The following GALNT10 variants were observed in gnomAD, a reference collection of about 807,000 sequenced individuals.
The protein encoded by GALNT10 is polypeptide N-acetylgalactosaminyltransferase 10, also known as GalNAc transferase 10.
In GALNT10, 41 loss-of-function variants were observed where a neutral mutation model predicts 75.0. The observed-to-expected ratio is 0.55, with a 90% confidence interval of 0.43 to 0.71. The LOEUF (loss-of-function observed/expected upper bound fraction) is 0.71, where lower values mean the gene tolerates loss of function less well. GALNT10 is among the 30% of genes least tolerant of loss of function. The pLI is 0.00. For synonymous variants in GALNT10, 302 were observed against 313.0 expected (o/e 0.96, Z 0.37); for missense variants, 727 against 818.5 (o/e 0.89, Z 1.36).
intron 1 of GALNT10, among the ~76,000 whole-genome samples, chr5:154,234,689 A>G (rs1467889546): frequency 6.6e-6 from 1 of 152,236 alleles, no homozygotes; most frequent in Non-Finnish European, 1.5e-5. Context: ...TGACCAGTGC[A>G]TATGCACAGG....
At chr5:154,301,609 G>A (rs1754360726) in intron 3 of GALNT10, among the ~76,000 whole-genome samples, 1 of 150,342 alleles carries the variant, frequency 6.7e-6, no homozygotes, top group Non-Finnish European at 1.5e-5. Flanking sequence ...GCCTAGGCTG[G>A]TCTCAAACTC....
Position 154,417,026 on chromosome 5 carries a change from C to T in GALNT10, c.*54C>T. 6.5e-7 allele frequency: 1 copy of T among 1,547,590 alleles called. No individual in the cohort carries two copies. The highest frequency in any genetic ancestry group is 8.9e-7 in the Non-Finnish European group (1 of 1,123,460). On this transcript the variant is annotated 3_prime_UTR_variant, in exon 12 of 12. Transcript: ENST00000297107. Reference sequence around the variant, plus strand: ...AGGGTCTGGCACTCACTGCAGACTTCCTCTTTCAAGGGAGGCAGGGCCCCT... The same window carrying T: ...AGGGTCTGGCACTCACTGCAGACTTTCTCTTTCAAGGGAGGCAGGGCCCCT...
intron 1 of GALNT10, among the ~76,000 whole-genome samples, chr5:154,207,628 T>A (rs1222125917): frequency 6.6e-6 from 1 of 152,176 alleles, no homozygotes; most frequent in African/African-American, 2.4e-5. Flanking sequence ...GAGGGAATCC[T>A]GACCTAAGTC....
chr5:154,210,861 T>C (rs980150398), intron 1 of GALNT10, among the ~76,000 whole-genome samples: 1 of 152,242 alleles, frequency 6.6e-6, no homozygotes, highest in Admixed American at 6.5e-5. Context: ...TTGTCTGTAT[T>C]CTTAGAAAAT....
intron 1 of GALNT10, among the ~76,000 whole-genome samples, chr5:154,252,463 A>G (rs1358955996): frequency 6.6e-6 from 1 of 151,982 alleles, no homozygotes; most frequent in African/African-American, 2.4e-5. Flanking sequence ...TTTGTTGTTC[A>G]CTTTTTCTTT....
chr5:154,364,261 G>A (rs527340128), intron 4 of GALNT10, among the ~76,000 whole-genome samples: 107 of 152,320 alleles, frequency 7.0e-4, no homozygotes, highest in African/African-American at 2.5e-3. Context: ...GTTCTGGAAA[G>A]GTTGGTTCTG....
intron 2 of GALNT10, among the ~76,000 whole-genome samples, chr5:154,296,880 C>T (rs7722581): frequency 0.44 from 67,278 of 151,984 alleles, 15,660 homozygotes; most frequent in African/African-American, 0.55. Context: ...TTACAAGCTG[C>T]AGATGACAGA....
intron 10 of GALNT10, among the ~76,000 whole-genome samples, chr5:154,415,233 G>A (rs1756480497): frequency 6.6e-6 from 1 of 152,170 alleles, no homozygotes; most frequent in Admixed American, 6.5e-5. Context: ...ACTTACTGAA[G>A]TGTTTATACC....
At chr5:154,388,364 C>T (rs1230556920) in intron 7 of GALNT10, 1 of 152,246 alleles carries the variant, frequency 6.6e-6, no homozygotes, top group Non-Finnish European at 1.5e-5. Context: ...GGTGCATCCA[C>T]TCCAGCGTGT....
intron 1 of GALNT10, among the ~76,000 whole-genome samples, chr5:154,285,848 C>T (rs1213033816): frequency 2.0e-5 from 3 of 152,140 alleles, no homozygotes; most frequent in Admixed American, 6.5e-5. Flanking sequence ...CTGTCCACCT[C>T]TCATTCCTAC....
chr5:154,300,090 C>A (rs1754338624), intron 3 of GALNT10, among the ~76,000 whole-genome samples: 1 of 152,118 alleles, frequency 6.6e-6, no homozygotes, highest in Admixed American at 6.5e-5. Flanking sequence ...TCTGCCTCAG[C>A]CTCCCAAAGT....
chr5:154,301,660 C>G (rs542778386), intron 3 of GALNT10, among the ~76,000 whole-genome samples: 32 of 151,624 alleles, frequency 2.1e-4, no homozygotes, highest in African/African-American at 7.3e-4. Context: ...TCCTGAGGAG[C>G]TGAGATTACA....
At position 154,412,846 on chromosome 5, in the gene GALNT10, T is replaced by C. The variant is rs370201340; in HGVS notation, c.1387-43T>C. 2 of 1,397,390 alleles carry C rather than the reference T, an allele frequency of 1.4e-6. No homozygotes were observed. The highest frequency in any genetic ancestry group is 2.0e-6 in the Non-Finnish European group (2 of 983,648). The allele number at this position is 1,397,390 out of a possible 1,614,324, so 86.6% of individuals were successfully genotyped here. The stretch of plus-strand genomic sequence containing the variant: ...CCTGGCAGGGACCCGGTGGGCACCT[T>C]AAGGCACCTCAGTGGTCCACTTCTT... On this transcript the variant is annotated intron_variant, in intron 9 of 11. Transcript: ENST00000297107. The surrounding 1 kb of genome is among the most constrained non-coding windows in gnomAD (Gnocchi z 4.2).
chr5:154,193,408 G>A (rs1774891262), intron 1 of GALNT10, among the ~76,000 whole-genome samples: 1 of 152,206 alleles, frequency 6.6e-6, no homozygotes, highest in African/African-American at 2.4e-5. Flanking sequence ...TGGCCTTGAG[G>A]AAAGAGGCTG....
intron 3 of GALNT10, among the ~76,000 whole-genome samples, chr5:154,327,785 G>T (rs1045454885): frequency 6.6e-6 from 1 of 152,170 alleles, no homozygotes; most frequent in Admixed American, 6.5e-5. Flanking sequence ...GAATGTAATC[G>T]TTTTTCAAAC....
chr5:154,345,461 C>T (rs1334368526), intron 4 of GALNT10, among the ~76,000 whole-genome samples: 5 of 152,006 alleles, frequency 3.3e-5, no homozygotes, highest in African/African-American at 1.2e-4. Context: ...TTCCCCCACC[C>T]GGAGCCCCTG....
chr5:154,238,263 C>T (rs1387773946), intron 1 of GALNT10, among the ~76,000 whole-genome samples: 2 of 151,022 alleles, frequency 1.3e-5, no homozygotes. Context: ...TCTTAATGCC[C>T]TCTATTTCCT....
intron 4 of GALNT10, among the ~76,000 whole-genome samples, chr5:154,334,444 A>G (rs377508424): frequency 2.2e-4 from 34 of 152,374 alleles, no homozygotes; most frequent in South Asian, 1.9e-3. Context: ...ATGGGCGTAT[A>G]GGCTGGCAGA....
rs1326261739 is a variant in GALNT10, at chr5:154,352,461, A to G, written c.568+22723A>G. Among the ~76,000 whole-genome samples the G allele has an allele frequency of 6.6e-6, 1 of 152,248 alleles. No homozygotes were observed. The highest frequency in any genetic ancestry group is 1.9e-4 in the East Asian group (1 of 5,202). ...TCACATCTCAGTAATTCTTCACAGC[A>G]GCCTTGTAAGGGAGGTATAATATTA... On this transcript the variant is annotated intron_variant, in intron 4 of 11. Transcript: ENST00000297107. This position sits in a 1 kb window ranked among gnomAD's most constrained non-coding sequence, Gnocchi z 4.4.
Sources: gnomAD v4.1 joint callset for allele counts (sites outside exome capture counted in the v4.1 genomes callset) on GRCh38, gnomAD v4.1.1 for gene constraint, Gnocchi (gnomAD v3.1) non-coding constraint, MANE v1.5 for transcripts, NCBI Gene and HGNC (gene_info 2026-07-23, HGNC 2026-07-21) for gene names.